Variants in COL28A1 observed in about 807,000 individuals in gnomAD.
The protein encoded by COL28A1 is collagen alpha-1(XXVIII) chain.
COL28A1 carries 161 observed loss-of-function variants against 150.2 expected under a neutral mutation model. The ratio of observed to expected loss-of-function variants is 1.07; its 90% CI spans 0.94 to 1.22. The LOEUF is 1.22. Ranked by LOEUF, COL28A1 falls within the 50% of genes most tolerant of loss-of-function variation. COL28A1 has a pLI of 0.00. For missense variants in COL28A1, 1,617 were observed against 1,388.3 expected (o/e 1.16, Z -2.62); for synonymous variants, 552 against 469.7 (o/e 1.18, Z -2.26).
downstream of COL28A1, among the ~76,000 whole-genome samples, chr7:7,352,125 T>G (rs1282313104): frequency 6.6e-6 from 1 of 152,172 alleles, no homozygotes; most frequent in Non-Finnish European, 1.5e-5. Flanking sequence ...TGTGGGTTGT[T>G]TTTTGGTTTG....
intron 20 of COL28A1, among the ~76,000 whole-genome samples, chr7:7,443,034 C>CAAA (rs59365180): frequency 5.7e-5 from 6 of 106,164 alleles, no homozygotes; most frequent in African/African-American, 1.9e-4. Flanking sequence ...GACTCCGTCT[C>CAAA]AAAAAAAAAA....
chr7:7,353,287 T>C (rs1451628795), downstream of COL28A1, among the ~76,000 whole-genome samples: 1 of 152,182 alleles, frequency 6.6e-6, no homozygotes, highest in African/African-American at 2.4e-5. Flanking sequence ...CAATCTTTCC[T>C]CCACCTACCC....
intron 11 of COL28A1, among the ~76,000 whole-genome samples, chr7:7,496,404 G>A (rs1188787325): frequency 6.6e-6 from 1 of 152,212 alleles, no homozygotes; most frequent in Non-Finnish European, 1.5e-5. Context: ...GTTCTGGGCT[G>A]AGGAGCTGTG....
intron 27 of COL28A1, among the ~76,000 whole-genome samples, chr7:7,416,099 G>A (rs529709035): frequency 3.9e-5 from 6 of 152,304 alleles, no homozygotes; most frequent in South Asian, 2.1e-4. Flanking sequence ...CACTGCACCC[G>A]GCCTAGAGAA....
the COL28A1 span, among the ~76,000 whole-genome samples, chr7:7,347,796 G>A: frequency 6.6e-6 from 1 of 152,064 alleles, no homozygotes; most frequent in Non-Finnish European, 1.5e-5. Flanking sequence ...TAATATGTTT[G>A]GGATTATTAA....
chr7:7,518,583 T>A (rs1781543261), intron 6 of COL28A1, among the ~76,000 whole-genome samples: 1 of 152,218 alleles, frequency 6.6e-6, no homozygotes, highest in Non-Finnish European at 1.5e-5. Context: ...AGTATTTGAG[T>A]ACCTCTTACT....
rs768112060 is a variant in COL28A1, at chr7:7,489,388, C to G, written c.1164+1G>C. ...TTCCATCTAGAATTTTTGCTACTTA[C>G]TGGCTGTCCAGGCTCACCAACTCCA... On this transcript the variant is annotated splice_donor_variant, in intron 13 of 34. Coordinates refer to ENST00000399429, the MANE Select transcript of COL28A1 (RefSeq NM_001037763.3). LOFTEE classifies it high-confidence loss of function. 1.1e-5 allele frequency: 14 copies of G among 1,286,860 alleles called. No individual in the cohort carries two copies. Among genetic ancestry groups the G allele is most frequent in the Non-Finnish European group, 1.6e-5 (14 of 880,630 alleles). 79.7% of individuals were successfully genotyped at this position (1,286,860 alleles called of 1,614,324 possible). A position where few individuals can be genotyped will look rare whatever the true frequency, so the allele number is the denominator to read the frequency against.
At chr7:7,537,799 T>C (rs1282370892), upstream of COL28A1, among the ~76,000 whole-genome samples, 1 of 152,194 alleles carries the variant, frequency 6.6e-6, no homozygotes, top group African/African-American at 2.4e-5. Context: ...TGTATTTACC[T>C]GATAGCCTAT....
At position 7,520,104 on chromosome 7, in the gene COL28A1, T is replaced by C; in HGVS notation, c.771A>G (p.Gly257=). ...PGDPGPPGTH[G]NPGIKGERGP... is the part of the protein sequence containing the mutation. ...CTCGCTCACCTTTGATACCTGGATT[T>C]CCATGTGTACCCTGAAGGCAAAGGG... Residue 257 remains glycine, a synonymous_variant, in exon 6 of 35, where the codon GGA becomes GGG. Coordinates refer to ENST00000399429, the MANE Select transcript of COL28A1 (RefSeq NM_001037763.3). The C allele has an allele frequency of 7.3e-7, 1 of 1,369,612 alleles. No homozygotes were observed. The highest frequency in any genetic ancestry group is 1.0e-6 in the Non-Finnish European group (1 of 957,996). 84.8% of individuals were successfully genotyped at this position (1,369,612 alleles called of 1,614,324 possible).
intron 21 of COL28A1, among the ~76,000 whole-genome samples, chr7:7,437,754 G>A (rs1785446892): frequency 6.6e-6 from 1 of 152,020 alleles, no homozygotes. Flanking sequence ...AATTCATGGT[G>A]CTTCCTTTTT....
chr7:7,393,660 C>T (rs528795081), intron 27 of COL28A1, among the ~76,000 whole-genome samples: 8 of 152,256 alleles, frequency 5.3e-5, no homozygotes, highest in Admixed American at 1.3e-4. Flanking sequence ...CCAGAGAGGA[C>T]GAATCTAGAG....
intron 33 of COL28A1, among the ~76,000 whole-genome samples, chr7:7,369,468 CA>C (rs1303351975): frequency 3.3e-5 from 5 of 152,316 alleles, no homozygotes; most frequent in Non-Finnish European, 7.3e-5. Context: ...CAAAACTATT[CA>C]GTATATGGCC....
intron 30 of COL28A1, among the ~76,000 whole-genome samples, chr7:7,380,321 A>G (rs1160288742): frequency 2.0e-5 from 3 of 152,206 alleles, no homozygotes; most frequent in Non-Finnish European, 2.9e-5. Context: ...CTAAAATGAG[A>G]CGAACCACAT....
intron 27 of COL28A1, among the ~76,000 whole-genome samples, chr7:7,385,568 G>T (rs913461050): frequency 2.6e-5 from 4 of 152,184 alleles, no homozygotes; most frequent in Non-Finnish European, 5.9e-5. Context: ...TCCTCCAGAA[G>T]ATGTCCAATA....
At chr7:7,431,657 A>C (rs1784983954) in intron 25 of COL28A1, 1 of 470,810 alleles carries the variant, frequency 2.1e-6, no homozygotes, top group Non-Finnish European at 4.4e-6. Context: ...CTGAAAGAGA[A>C]GCCACCAGGG....
rs141119427 is a variant in COL28A1 at position 7,478,783 on chromosome 7, G to A, written c.1165-1603C>T. On this transcript the variant is annotated intron_variant, in intron 13 of 34. Coordinates refer to ENST00000399429, the MANE Select transcript of COL28A1 (RefSeq NM_001037763.3). ...CAGTGCACCCTCCGCAGCTGCTGGCGCGGGTGCTAAGCCTCTCACTGCCCG... is the reference window on the plus strand; with the variant it reads ...CAGTGCACCCTCCGCAGCTGCTGGCACGGGTGCTAAGCCTCTCACTGCCCG... Among the ~76,000 whole-genome samples the A allele has an allele frequency of 4.9e-3, 746 of 152,372 alleles. 5 individuals are homozygous for A. The highest frequency in any genetic ancestry group is 0.022 in the East Asian group (115 of 5,184).
At chr7:7,351,829 C>T (rs1182958601), downstream of COL28A1, among the ~76,000 whole-genome samples, 1 of 152,064 alleles carries the variant, frequency 6.6e-6, no homozygotes, top group African/African-American at 2.4e-5. Context: ...CAAGGCCCCC[C>T]TCTACCATCT....
At chr7:7,525,113 A>G (rs1186329419) in intron 3 of COL28A1, among the ~76,000 whole-genome samples, 3 of 152,220 alleles carry the variant, frequency 2.0e-5, no homozygotes, top group African/African-American at 7.2e-5. Context: ...ATGAAAAACA[A>G]AAAAACAAAT....
chr7:7,540,390 A>G (rs892202693), upstream of COL28A1, among the ~76,000 whole-genome samples: 1 of 152,222 alleles, frequency 6.6e-6, no homozygotes, highest in Non-Finnish European at 1.5e-5. Flanking sequence ...ATTGGTATTT[A>G]AACTTTTCTT....
Sources: allele counts gnomAD v4.1 joint callset (sites outside exome capture counted in the v4.1 genomes callset), GRCh38; gene constraint gnomAD v4.1.1; transcripts MANE v1.5; gene names NCBI Gene and HGNC (gene_info 2026-07-23, HGNC 2026-07-21).